SAMD5: variants seen among roughly 807,000 people sequenced by gnomAD.
SAMD5 encodes the protein sterile alpha motif domain containing 5, also known as sterile alpha motif domain-containing protein 5.
SAMD5 carries 13 observed loss-of-function variants against 11.3 expected under a neutral mutation model. That is an observed-to-expected ratio of 1.15 (90% CI 0.75 to 1.83). The LOEUF (loss-of-function observed/expected upper bound fraction) is 1.83. Ranked by LOEUF, SAMD5 falls within the 40% of genes most tolerant of loss-of-function variation. The probability of loss-of-function intolerance (pLI) is 0.00; values close to 1 mark genes in which losing one functional copy is unlikely to be tolerated. For missense variants in SAMD5, 255 were observed against 239.1 expected (o/e 1.07, Z -0.44); for synonymous variants, 129 against 111.3 (o/e 1.16, Z -1.00).
At chr6:147,663,676 CG>C (rs1562346227) in intron 1 of SAMD5, among the ~76,000 whole-genome samples, 1 of 150,904 alleles carries the variant, frequency 6.6e-6, no homozygotes, top group Non-Finnish European at 1.5e-5. Context: ...CCTGTAATCC[CG>C]GCTACTCAGG....
At chr6:147,761,782 C>T in the SAMD5 span, among the ~76,000 whole-genome samples, 3 of 152,150 alleles carry the variant, frequency 2.0e-5, no homozygotes, top group Admixed American at 6.5e-5. Flanking sequence ...GGCAAGTTCT[C>T]GGCTCACTGC....
rs702347 is a variant in SAMD5, at chr6:147,566,433, C to A, written c.*1977C>A. 1 of 984,776 alleles carries A rather than the reference C, an allele frequency of 1.0e-6. No homozygotes were observed. The highest frequency in any genetic ancestry group is 4.7e-5 in the South Asian group (1 of 21,268). The allele number at this position is 984,776 out of a possible 1,614,324, so 61.0% of individuals were successfully genotyped here. ...TGACCTCATTTCCAGGTGTCGCATC[C>A]GTGGCTGATTTATTTCACAGATGTA... On this transcript the variant is annotated 3_prime_UTR_variant, in exon 2 of 2. Coordinates refer to ENST00000367474, the MANE Select transcript of SAMD5 (RefSeq NM_001030060.3).
At chr6:147,654,345 TA>T in intron 1 of SAMD5, among the ~76,000 whole-genome samples, 3 of 152,216 alleles carry the variant, frequency 2.0e-5, no homozygotes, top group African/African-American at 7.2e-5. Flanking sequence ...TACCTTTCTA[TA>T]AAAGTATGAA....
chr6:147,586,416 T>C (rs1789374641), intron 1 of SAMD5, among the ~76,000 whole-genome samples: 2 of 152,176 alleles, frequency 1.3e-5, no homozygotes, highest in Non-Finnish European at 2.9e-5. Flanking sequence ...TAGGTAAATA[T>C]GCTTGTGCCC....
the SAMD5 span, among the ~76,000 whole-genome samples, chr6:147,815,186 C>T: frequency 6.6e-6 from 1 of 152,210 alleles, no homozygotes; most frequent in African/African-American, 2.4e-5. Context: ...AGCTCAGTGA[C>T]TCTGATCACA....
chr6:147,736,430 GA>G (rs899404557), intron 1 of SAMD5, among the ~76,000 whole-genome samples: 31 of 152,046 alleles, frequency 2.0e-4, no homozygotes, highest in African/African-American at 7.2e-4. Context: ...ATCATAAATC[GA>G]GAAAAGTCTT....
the SAMD5 span, among the ~76,000 whole-genome samples, chr6:147,790,779 TCTCTCTCTCTC>T: frequency 1.5e-5 from 1 of 64,682 alleles, no homozygotes; most frequent in Non-Finnish European, 3.8e-5. Context: ...TTTCTCTCTC[TCTCTCTCTCTC>T]TCTCTCTCTC....
chr6:147,730,370 A>G, intron 1 of SAMD5: 1 of 194,726 alleles, frequency 5.1e-6, no homozygotes, highest in East Asian at 1.2e-4. Flanking sequence ...CAATAACCTC[A>G]ACAACAAACA....
intron 1 of SAMD5, among the ~76,000 whole-genome samples, chr6:147,593,310 C>T (rs1159646): frequency 0.055 from 8,339 of 152,076 alleles, 678 homozygotes; most frequent in African/African-American, 0.18. Flanking sequence ...AGACAACATA[C>T]AAGTAAATAT....
intron 1 of SAMD5, among the ~76,000 whole-genome samples, chr6:147,660,372 C>T (rs1304374806): frequency 6.6e-6 from 1 of 152,282 alleles, no homozygotes; most frequent in South Asian, 2.1e-4. Flanking sequence ...ACGTGCAGAA[C>T]CCCTTCCTTT....
At chr6:147,563,900 A>G (rs905292875) in intron 1 of SAMD5, among the ~76,000 whole-genome samples, 1 of 152,166 alleles carries the variant, frequency 6.6e-6, no homozygotes, top group Admixed American at 6.5e-5. Flanking sequence ...ACTGTGAATC[A>G]TTTTTACTTT....
the SAMD5 span, among the ~76,000 whole-genome samples, chr6:147,835,098 T>C: frequency 6.6e-6 from 1 of 151,974 alleles, no homozygotes; most frequent in Non-Finnish European, 1.5e-5. Flanking sequence ...CCGGATGTGG[T>C]GGCAGTTGCC....
chr6:147,660,464 C>T (rs1442792622), intron 1 of SAMD5, among the ~76,000 whole-genome samples: 1 of 152,164 alleles, frequency 6.6e-6, no homozygotes, highest in Non-Finnish European at 1.5e-5. Context: ...CAGGGTTTGT[C>T]ACCCCATTAT....
At chr6:147,876,753 G>A in the SAMD5 span, among the ~76,000 whole-genome samples, 4 of 152,254 alleles carry the variant, frequency 2.6e-5, no homozygotes, top group Admixed American at 2.6e-4. Flanking sequence ...TTTTTGGGGA[G>A]TTCCTATTTT....
chr6:147,750,854 A>G, the SAMD5 span, among the ~76,000 whole-genome samples: 2 of 152,302 alleles, frequency 1.3e-5, no homozygotes, highest in South Asian at 4.1e-4. Context: ...CCCGGGAGGC[A>G]AATGTTGCAG....
chr6:147,699,204 A>G (rs1791219170), intron 1 of SAMD5, among the ~76,000 whole-genome samples: 1 of 152,166 alleles, frequency 6.6e-6, no homozygotes, highest in African/African-American at 2.4e-5. Context: ...TTGACTTGGT[A>G]TCCTTCAGCA....
chr6:147,725,134 C>T (rs1262361936), intron 1 of SAMD5, among the ~76,000 whole-genome samples: 5 of 152,168 alleles, frequency 3.3e-5, no homozygotes, highest in African/African-American at 7.2e-5. Context: ...GTTTGATATA[C>T]TTTCAAATGC....
At chr6:147,927,875 A>G in the SAMD5 span, among the ~76,000 whole-genome samples, 739 of 152,340 alleles carry the variant, frequency 4.9e-3, 2 homozygotes, top group African/African-American at 0.017. Context: ...TTTAACATGA[A>G]GAAATGTTAG....
At position 147,568,023 on chromosome 6, in the gene SAMD5, A is replaced by G. The variant is rs1425963651; in HGVS notation, c.*3567A>G. 1 of 985,322 alleles carries G rather than the reference A, an allele frequency of 1.0e-6. No homozygotes were observed. Among genetic ancestry groups the G allele is most frequent in the Non-Finnish European group, 1.2e-6 (1 of 829,932 alleles). 61.0% of individuals were successfully genotyped at this position (985,322 alleles called of 1,614,324 possible). On this transcript the variant is annotated 3_prime_UTR_variant, in exon 2 of 2. Transcript: ENST00000367474. ...ACAGATTATATGAAGGTATTTCATTAGCTTTCTTCTCTTTATGGCAGCTTC... is the reference window on the plus strand; with the variant it reads ...ACAGATTATATGAAGGTATTTCATTGGCTTTCTTCTCTTTATGGCAGCTTC...
Sources: allele counts gnomAD v4.1 joint callset (sites outside exome capture counted in the v4.1 genomes callset), GRCh38; gene constraint gnomAD v4.1.1; transcripts MANE v1.5; gene names NCBI Gene and HGNC (gene_info 2026-07-23, HGNC 2026-07-21).